Variants in EIF4ENIF1 observed in about 807,000 individuals in gnomAD.
EIF4ENIF1 encodes eukaryotic translation initiation factor 4E transporter.
In EIF4ENIF1, 23 loss-of-function variants were observed where a neutral mutation model predicts 110.5. That is an observed-to-expected ratio of 0.21 (90% CI 0.15 to 0.29). EIF4ENIF1 has a LOEUF of 0.29. Ranked by LOEUF, EIF4ENIF1 falls within the 10% of genes least tolerant of loss-of-function variation. EIF4ENIF1 has a pLI of 1.00. For synonymous variants in EIF4ENIF1, 440 were observed against 437.0 expected, an observed-to-expected ratio of 1.01 and a Z score of -0.09; for missense variants, 1,031 against 1,221.1, an observed-to-expected ratio of 0.84 and a Z score of 2.32.
intron 2 of EIF4ENIF1, among the ~76,000 whole-genome samples, chr22:31,486,044 CGAGACCAGCGAGGTCAGGAGTTT>C (rs1363469119): frequency 1.4e-5 from 2 of 138,964 alleles, no homozygotes; most frequent in Non-Finnish European, 3.2e-5. Context: ...GTCAGGAGTT[CGAGACCAGCGAGGTCAGGAGTTT>C]GAGACCAGCC....
chr22:31,461,334 C>A (rs952817677), intron 6 of EIF4ENIF1, among the ~76,000 whole-genome samples: 1 of 152,162 alleles, frequency 6.6e-6, no homozygotes, highest in African/African-American at 2.4e-5. Flanking sequence ...TGGCTGCAGA[C>A]CAATGGGCTC....
At chr22:31,490,299 G>A (rs189873835), upstream of EIF4ENIF1, among the ~76,000 whole-genome samples, 3 of 152,388 alleles carry the variant, frequency 2.0e-5, no homozygotes, top group Non-Finnish European at 4.4e-5. Flanking sequence ...GAGAACCGTG[G>A]GGCTTCGGCA....
At chr22:31,474,585 G>A (rs933325388) in intron 2 of EIF4ENIF1, among the ~76,000 whole-genome samples, 3 of 150,206 alleles carry the variant, frequency 2.0e-5, no homozygotes, top group African/African-American at 7.4e-5. Context: ...AGAAATCCTA[G>A]TTTCTTTAAG....
At chr22:31,468,324 T>C in intron 3 of EIF4ENIF1, 22 bp from the exon 4 acceptor site, 1 of 1,614,112 alleles carries the variant, frequency 6.2e-7, no homozygotes, top group South Asian at 1.1e-5. Flanking sequence ...AAAATACAAC[T>C]GTTAGCACTT....
intron 2 of EIF4ENIF1, among the ~76,000 whole-genome samples, chr22:31,486,283 AT>A (rs199573469): frequency 9.6e-3 from 23 of 2,398 alleles, no homozygotes; most frequent in African/African-American, 0.038. Flanking sequence ...AAAAAAAAAA[AT>A]AAAAATAAAA....
Position 31,449,545 on chromosome 22 carries a change from A to G in EIF4ENIF1, c.1585-14T>C, listed in dbSNP as rs1465855795. The G allele has an allele frequency of 6.2e-7, 1 of 1,605,720 alleles. No homozygotes were observed. Among genetic ancestry groups the G allele is most frequent in the Non-Finnish European group, 8.5e-7 (1 of 1,177,298 alleles). On this transcript the variant is annotated splice_polypyrimidine_tract_variant and intron_variant, in intron 11 of 18. Transcript: ENST00000330125. ...ACCCAGAAGTTCCTAAAGGCAGAAAAGCCAAATCCCTGTGAACTTAGTTAT... is the reference window on the plus strand; with the variant it reads ...ACCCAGAAGTTCCTAAAGGCAGAAAGGCCAAATCCCTGTGAACTTAGTTAT...
chr22:31,468,426 G>A (rs767946661), intron 3 of EIF4ENIF1, 124 bp from the exon 4 acceptor site: 84 of 1,366,724 alleles, frequency 6.1e-5, no homozygotes, highest in Non-Finnish European at 7.9e-5. Flanking sequence ...ACAGGGTCTC[G>A]CTCTGTCGCC....
chr22:31,440,262 CCAA>C, intron 18 of EIF4ENIF1, 141 bp from the exon 19 acceptor site: 1 of 1,234,064 alleles, frequency 8.1e-7, no homozygotes, highest in South Asian at 1.4e-5. Context: ...TTGCAAAATA[CCAA>C]CAATGCCAGA....
At chr22:31,456,030 A>G in intron 7 of EIF4ENIF1, 43 bp from the exon 8 acceptor site, 1 of 1,598,042 alleles carries the variant, frequency 6.3e-7, no homozygotes, top group Non-Finnish European at 8.5e-7. Context: ...CTAGATGAAA[A>G]AGGACAAGAA....
intron 14 of EIF4ENIF1, among the ~76,000 whole-genome samples, chr22:31,447,201 G>A (rs1238726157): frequency 1.3e-5 from 2 of 152,028 alleles, no homozygotes; most frequent in Admixed American, 6.6e-5. Flanking sequence ...AATCAAGAAC[G>A]GAAATAAAAC....
intron 15 of EIF4ENIF1, among the ~76,000 whole-genome samples, chr22:31,443,912 G>A (rs140196786): frequency 6.7e-6 from 1 of 149,268 alleles, no homozygotes; most frequent in Admixed American, 6.8e-5. Flanking sequence ...CTCCCACCTC[G>A]GCCTCCCGAG....
Position 31,480,658 on chromosome 22 carries a change from G to C in EIF4ENIF1, c.96+7965C>G, listed in dbSNP as rs568177685. 2.0e-5 allele frequency among the ~76,000 whole-genome samples: 3 copies of C among 152,320 alleles called. No individual in the cohort carries two copies. The East Asian group carries it at 5.8e-4, about 29-fold the overall frequency. On this transcript the variant is annotated intron_variant, in intron 2 of 18. Transcript: ENST00000330125. Reference sequence around the variant, plus strand: ...TAGTCCCAGCTACTCGGGAGGCTAAGGCAGGAGAATCGCTTGAACCCGGGA... The same window carrying C: ...TAGTCCCAGCTACTCGGGAGGCTAACGCAGGAGAATCGCTTGAACCCGGGA...
At chr22:31,469,157 G>A (rs2051283296) in intron 3 of EIF4ENIF1, among the ~76,000 whole-genome samples, 1 of 152,066 alleles carries the variant, frequency 6.6e-6, no homozygotes, top group Admixed American at 6.6e-5. Flanking sequence ...TACTGTGCAC[G>A]AGCAGAAACT....
chr22:31,448,123 G>C, intron 13 of EIF4ENIF1, 30 bp downstream of exon 13: 1 of 1,611,972 alleles, frequency 6.2e-7, no homozygotes, highest in Admixed American at 1.7e-5. Context: ...GGGCAAGCAA[G>C]AGATTGAGTT....
intron 3 of EIF4ENIF1, 138 bp downstream of exon 3, chr22:31,471,706 T>G: frequency 1.3e-6 from 1 of 762,450 alleles, no homozygotes; most frequent in Non-Finnish European, 2.2e-6. Flanking sequence ...GAAACCCATC[T>G]TATTACCTCT....
chr22:31,454,255 A>C lies in EIF4ENIF1; in HGVS notation c.1401T>G (p.Ser467Arg). 1 of 1,614,074 alleles carries C rather than the reference A, an allele frequency of 6.2e-7. No individual in the cohort carries two copies. Among genetic ancestry groups the C allele is most frequent in the Non-Finnish European group, 8.5e-7 (1 of 1,180,010 alleles). The change falls in exon 10 of 19, where the codon AGT becomes AGG. Residue 467 changes from serine to arginine, a missense_variant. Ser to Arg is a moderately radical substitution (Grantham distance 110). This residue lies in a region of EIF4ENIF1 where 704 missense variants were observed against 879.7 expected (regional missense o/e 0.80). Coordinates refer to ENST00000330125, the MANE Select transcript of EIF4ENIF1 (RefSeq NM_019843.4). ...TCAGTTGTCGATTGTTGGTTACGGC[A>C]CTCAAGGTCTCTTCTAGGTGTTCTG... ...FMAEHLEETL[S>R]AVTNNRQLKK...
intron 2 of EIF4ENIF1, among the ~76,000 whole-genome samples, chr22:31,473,637 T>TA (rs1323960996): frequency 1.3e-5 from 2 of 152,200 alleles, no homozygotes; most frequent in African/African-American, 4.8e-5. Flanking sequence ...CATGATAGAC[T>TA]GAGCCTAAAT....
At position 31,440,795 on chromosome 22, in the gene EIF4ENIF1, G is replaced by A. The variant is rs2050268384; in HGVS notation, c.2625C>T (p.Tyr875=). 3.7e-6 allele frequency: 6 copies of A among 1,613,882 alleles called. No homozygotes were observed. The highest frequency in any genetic ancestry group is 5.1e-6 in the Non-Finnish European group (6 of 1,179,890). ...GAGGGTGACTAGCAGCAGGTAAAGG[G>A]TAAAAGGGCTGACCCAGGATGGGGC... ...ISGPILGQPF[Y]PLPAASHPLL... Residue 875 remains tyrosine, a synonymous_variant, in exon 18 of 19, where the codon TAC becomes TAT. Transcript: ENST00000330125.
At chr22:31,458,972 G>A (rs889405063) in intron 6 of EIF4ENIF1, among the ~76,000 whole-genome samples, 2 of 146,390 alleles carry the variant, frequency 1.4e-5, no homozygotes, top group Admixed American at 6.9e-5. Flanking sequence ...CTGTTGCACA[G>A]GCTGGAGAGT....
Sources: gnomAD v4.1 joint callset for allele counts (sites outside exome capture counted in the v4.1 genomes callset) on GRCh38, gnomAD v4.1.1 for gene constraint, gnomAD v4.1.1 regional missense constraint, MANE v1.5 for transcripts, NCBI Gene and HGNC (gene_info 2026-07-23, HGNC 2026-07-21) for gene names.